RTEL1: variants seen among roughly 807,000 people sequenced by gnomAD.
The protein encoded by RTEL1 is regulator of telomere elongation helicase 1.
In RTEL1, 86 loss-of-function variants were observed where a neutral mutation model predicts 162.2. That is an observed-to-expected ratio of 0.53 (90% CI 0.45 to 0.63). RTEL1 has a LOEUF of 0.63. RTEL1 is among the 30% of genes least tolerant of loss of function. The probability of loss-of-function intolerance (pLI) is 0.00; values close to 1 mark genes in which losing one functional copy is unlikely to be tolerated. For missense variants in RTEL1, 1,941 were observed against 1,750.2 expected, an observed-to-expected ratio of 1.11 and a Z score of -1.95; for synonymous variants, 958 against 717.9, an observed-to-expected ratio of 1.33 and a Z score of -5.35.
intron 2 of RTEL1, among the ~76,000 whole-genome samples, chr20:63,660,040 A>C (rs556654270): frequency 1.3e-5 from 2 of 152,114 alleles, no homozygotes; most frequent in Non-Finnish European, 2.9e-5. Context: ...TCTCCACCCA[A>C]ACATCTCGGT....
chr20:63,678,289 G>T lies in RTEL1; in HGVS notation c.980G>T (p.Gly327Val). Residue 327 changes from glycine (G) to valine (V), a missense_variant, in exon 12 of 35, where the codon GGG (glycine) becomes GTG (valine). Gly to Val is a moderately radical substitution (Grantham distance 109, BLOSUM62 -3). Transcript: ENST00000360203. ...KLKMILLRLEGAIDAVELPGD... is the reference protein window; with the variant it reads ...KLKMILLRLEVAIDAVELPGD... Reference sequence around the variant, plus strand: ...ACAGTGATCCTGCTGCGCCTGGAGGGGGCCATCGATGCTGTTGAGCTGCCT... The same window carrying T: ...ACAGTGATCCTGCTGCGCCTGGAGGTGGCCATCGATGCTGTTGAGCTGCCT... 1.2e-6 allele frequency: 2 copies of T among 1,612,788 alleles called. No homozygotes were observed. The highest frequency in any genetic ancestry group is 1.1e-5 in the South Asian group (1 of 90,962).
intron 4 of RTEL1, 35 bp from the exon 5 acceptor site, chr20:63,662,511 G>A: frequency 6.2e-7 from 1 of 1,611,936 alleles, no homozygotes; most frequent in Non-Finnish European, 8.5e-7. Flanking sequence ...GTTGGAGACA[G>A]CTCCTCCTCG....
chr20:63,694,280 G>C (rs1601193508), intron 30 of RTEL1, 92 bp from the exon 31 acceptor site: 1 of 1,136,422 alleles, frequency 8.8e-7, no homozygotes. Flanking sequence ...AGGTGGGTGA[G>C]GCCTGGCCTC....
intron 10 of RTEL1, among the ~76,000 whole-genome samples, chr20:63,675,328 T>C (rs532153674): frequency 6.6e-6 from 1 of 152,240 alleles, no homozygotes; most frequent in African/African-American, 2.4e-5. Context: ...AGCATCAGCT[T>C]CCCCCATTTT....
intron 14 of RTEL1, chr20:63,680,990 G>T (rs1205280815): frequency 5.1e-6 from 5 of 985,394 alleles, no homozygotes; most frequent in African/African-American, 3.5e-5. Flanking sequence ...CCGGGGAGCC[G>T]CTCCTGCCCT....
chr20:63,695,609 G>T lies in RTEL1; in HGVS notation c.3781G>T (p.Asp1261Tyr). 6.2e-7 allele frequency: 1 copy of T among 1,611,858 alleles called. No individual in the cohort carries two copies. ...DVVPFQCPAC[D>Y]FQRCQACWQR... ...GGTGCCCTTCCAGTGCCCTGCCTGT[G>T]ACTTCCAGCGCTGCCAAGCCTGCTG... Residue 1261 changes from aspartate (D) to tyrosine (Y), a missense_variant, in exon 34 of 35, where the codon GAC (aspartate) becomes TAC (tyrosine). Coordinates refer to ENST00000360203, the MANE Select transcript of RTEL1 (RefSeq NM_001283009.2).
Position 63,680,848 on chromosome 20 carries a change from T to C in RTEL1, c.1191+129T>C, listed in dbSNP as rs2090464440. On this transcript the variant is annotated intron_variant, in intron 14 of 34. Transcript: ENST00000360203. ...AGGCCCCTACACCACCTGTTTCTGA[T>C]TGGCAAACTCTCGGCTCCTTTCCAG... The C allele has an allele frequency of 2.6e-6, 4 of 1,518,102 alleles. No homozygotes were observed. The Admixed American group carries it at 5.9e-5, about 22-fold the overall frequency. The allele number at this position is 1,518,102 out of a possible 1,614,324, so 94.0% of individuals were successfully genotyped here. A position where few individuals can be genotyped will look rare whatever the true frequency, so the allele number is the denominator to read the frequency against.
Position 63,666,000 on chromosome 20 carries a change from G to A in RTEL1, c.539-4G>A. On this transcript the variant is annotated splice_polypyrimidine_tract_variant and splice_region_variant and intron_variant, in intron 6 of 34. Transcript: ENST00000360203. ...GTGTGTTTACCCCTGCCTCACACCT[G>A]CAGAAAAAAGCCTGGAGCAGGAGCT... 6.2e-7 allele frequency: 1 copy of A among 1,613,886 alleles called. No individual in the cohort carries two copies. Among genetic ancestry groups the A allele is most frequent in the Non-Finnish European group, 8.5e-7 (1 of 1,179,892 alleles).
In RTEL1 at chr20:63,661,681, G is replaced by C. The variant is rs1363903575; in HGVS notation, c.302-169G>C. On this transcript the variant is annotated intron_variant, in intron 3 of 34. Coordinates refer to ENST00000360203, the MANE Select transcript of RTEL1 (RefSeq NM_001283009.2). This position sits in a 1 kb window ranked among gnomAD's most constrained non-coding sequence, Gnocchi z 5.1. The stretch of plus-strand genomic sequence containing the variant: ...AAACCTAGGGTTGGGCTTTTTTGCT[G>C]AATTAGGGCACGGCAGATGCCCACT... 1.1e-6 allele frequency: 1 copy of C among 873,116 alleles called. No individual in the cohort carries two copies. Among genetic ancestry groups the C allele is most frequent in the Non-Finnish European group, 1.8e-6 (1 of 567,118 alleles). 54.1% of individuals were successfully genotyped at this position (873,116 alleles called of 1,614,324 possible). A position where few individuals can be genotyped will look rare whatever the true frequency, so the allele number is the denominator to read the frequency against.
At position 63,662,645 on chromosome 20, in the gene RTEL1, C is replaced by A. The variant is rs376437788; in HGVS notation, c.477+18C>A. 2 of 1,613,322 alleles carry A rather than the reference C, an allele frequency of 1.2e-6. No individual in the cohort carries two copies. On this transcript the variant is annotated intron_variant, in intron 5 of 34. Coordinates refer to ENST00000360203, the MANE Select transcript of RTEL1 (RefSeq NM_001283009.2). ...ATCTACAGGTAGGCTCCTGGGCTCC[C>A]GCTCCGGCTCAGTGTCCGACAGGCG...
chr20:63,669,669 A>G (rs35379633), intron 8 of RTEL1, among the ~76,000 whole-genome samples: 14,430 of 147,572 alleles, frequency 0.098, 850 homozygotes, highest in African/African-American at 0.18. Flanking sequence ...ATGGCCAGTT[A>G]ACCACTGGGA....
At chr20:63,676,806 ATG>A (rs1381999971) in intron 10 of RTEL1, among the ~76,000 whole-genome samples, 13 of 151,554 alleles carry the variant, frequency 8.6e-5, no homozygotes, top group African/African-American at 3.2e-4. Flanking sequence ...GTGGTGGTGC[ATG>A]CTTGTAATCC....
chr20:63,679,878 A>G lies in RTEL1; in HGVS notation c.1067A>G (p.Gln356Arg). 6.2e-7 allele frequency: 1 copy of G among 1,611,806 alleles called. No homozygotes were observed. Among genetic ancestry groups the G allele is most frequent in the Non-Finnish European group, 8.5e-7 (1 of 1,179,984 alleles). Reference protein sequence around the residue: ...SYIFELFAEAQITFQTKGCIL... With the variant: ...SYIFELFAEARITFQTKGCIL... ...ATCTTTGAGCTGTTTGCTGAAGCCC[A>G]GATCACGTTTCAGACCAAGGGCTGC... is the stretch of plus-strand genomic sequence containing the variant. The change falls in exon 13 of 35, where the codon CAG becomes CGG. Residue 356 changes from glutamine to arginine, a missense_variant. By Grantham distance (43) the Gln-to-Arg change is conservative. Transcript: ENST00000360203.
Position 63,659,366 on chromosome 20 carries a change from T to G in RTEL1, c.-37T>G. 6.6e-7 allele frequency: 1 copy of G among 1,506,704 alleles called. No homozygotes were observed. Among genetic ancestry groups the G allele is most frequent in the South Asian group, 1.1e-5 (1 of 88,828 alleles). 93.3% of individuals were successfully genotyped at this position (1,506,704 alleles called of 1,614,324 possible). ...CGCACAGACCCGAATAGCCTGCCCC[T>G]CAGCCACGCTCTGTGCCCTTCTGAG... On this transcript the variant is annotated 5_prime_UTR_variant, in exon 2 of 35. Coordinates refer to ENST00000360203, the MANE Select transcript of RTEL1 (RefSeq NM_001283009.2).
In RTEL1 at chr20:63,680,711, A is replaced by G. The variant is rs1355147182; in HGVS notation, c.1183A>G (p.Ile395Val). 3 of 1,613,230 alleles carry G rather than the reference A, an allele frequency of 1.9e-6. No individual in the cohort carries two copies. The highest frequency in any genetic ancestry group is 1.3e-5 in the African/African-American group (1 of 74,928). The change falls in exon 14 of 35, where the codon ATT (isoleucine) becomes GTT (valine). Residue 395 changes from isoleucine to valine, a missense_variant. Physicochemically the swap from Ile to Val is conservative, Grantham distance 29. Transcript: ENST00000360203. The stretch of plus-strand genomic sequence containing the variant: ...GGCCGGACTGCAGAAGCTGGCGGAC[A>G]TTATCCAGGTGGGGCCTGCTCCTCT... The part of the protein sequence containing the change: ...NTAGLQKLAD[I>V]IQIVFSVDPS...
intron 10 of RTEL1, among the ~76,000 whole-genome samples, chr20:63,676,167 C>T (rs1181651576): frequency 6.6e-6 from 1 of 152,150 alleles, no homozygotes; most frequent in African/African-American, 2.4e-5. Context: ...CTCCTGCAGC[C>T]TCCACCTCTT....
intron 6 of RTEL1, among the ~76,000 whole-genome samples, chr20:63,664,811 G>A (rs1036175037): frequency 1.3e-5 from 2 of 152,230 alleles, no homozygotes; most frequent in African/African-American, 4.8e-5. Flanking sequence ...CTGGAGAGCT[G>A]GCACCCTTCC....
chr20:63,693,756 T>A (rs1165680031), intron 30 of RTEL1, among the ~76,000 whole-genome samples: 19 of 35,500 alleles, frequency 5.4e-4, no homozygotes, highest in East Asian at 4.1e-3. Context: ...CACCACCACC[T>A]CCACCTCCAC....
intron 2 of RTEL1, 53 bp downstream of exon 2, chr20:63,659,557 G>A: frequency 7.4e-7 from 1 of 1,356,696 alleles, no homozygotes; most frequent in Non-Finnish European, 1.1e-6. Flanking sequence ...CTTCAGCCAG[G>A]ACGGGGTGTG....
Sources: gnomAD v4.1 joint callset for allele counts (sites outside exome capture counted in the v4.1 genomes callset) on GRCh38, gnomAD v4.1.1 for gene constraint, Gnocchi (gnomAD v3.1) non-coding constraint, MANE v1.5 for transcripts, NCBI Gene and HGNC (gene_info 2026-07-23, HGNC 2026-07-21) for gene names.